The following MYO10 variants were observed in gnomAD, a reference collection of about 807,000 sequenced individuals.
The protein encoded by MYO10 is myosin X, also known as unconventional myosin-X.
Under a neutral mutation model 257.3 loss-of-function variants are expected in MYO10, and 133 were observed. The ratio of observed to expected loss-of-function variants is 0.52; its 90% CI spans 0.45 to 0.60. The LOEUF (loss-of-function observed/expected upper bound fraction) is 0.60. Ranked by LOEUF, MYO10 falls within the 20% of genes least tolerant of loss-of-function variation. The pLI, the probability that MYO10 is intolerant of heterozygous loss-of-function variation, is 0.00. For missense variants in MYO10, 2,399 were observed against 2,635.7 expected (o/e 0.91, Z 1.97); for synonymous variants, 1,104 against 1,028.6 (o/e 1.07, Z -1.40).
At chr5:16,851,862 C>A (rs1465461632) in intron 2 of MYO10, among the ~76,000 whole-genome samples, 2 of 151,708 alleles carry the variant, frequency 1.3e-5, no homozygotes, top group Non-Finnish European at 2.9e-5. Flanking sequence ...ACCAGCCTGG[C>A]CAACATGATG....
At chr5:16,819,894 C>G (rs1248299157) in intron 2 of MYO10, among the ~76,000 whole-genome samples, 1 of 152,208 alleles carries the variant, frequency 6.6e-6, no homozygotes, top group Non-Finnish European at 1.5e-5. Flanking sequence ...TTGGTCAAGC[C>G]AGTCCTGAGA....
intron 3 of MYO10, among the ~76,000 whole-genome samples, chr5:16,804,283 C>T (rs1742205863): frequency 6.6e-6 from 1 of 152,186 alleles, no homozygotes; most frequent in African/African-American, 2.4e-5. Flanking sequence ...CCTCACCTTG[C>T]ATTGACTAAC....
chr5:16,777,830 T>C (rs1475326946), intron 9 of MYO10, among the ~76,000 whole-genome samples: 3 of 147,842 alleles, frequency 2.0e-5, no homozygotes, highest in East Asian at 3.9e-4. Flanking sequence ...CTAGGTGCAT[T>C]GCATCTAACT....
chr5:16,821,593 A>C (rs926919140), intron 2 of MYO10, among the ~76,000 whole-genome samples: 1 of 151,044 alleles, frequency 6.6e-6, no homozygotes, highest in Non-Finnish European at 1.5e-5. Context: ...CAGCCTCCCG[A>C]GTAGCTGGGA....
At chr5:16,711,043 G>A (rs747091980) in intron 20 of MYO10, 21 bp from the exon 21 acceptor site, 35 of 1,613,694 alleles carry the variant, frequency 2.2e-5, no homozygotes, top group Non-Finnish European at 3.0e-5. Context: ...AAGACACACA[G>A]GGTCACCTTC....
intron 19 of MYO10, among the ~76,000 whole-genome samples, chr5:16,730,127 T>C (rs1399021939): frequency 6.6e-6 from 1 of 152,086 alleles, no homozygotes; most frequent in East Asian, 1.9e-4. Context: ...TGACAATGTT[T>C]TGTGAGGAGG....
intron 2 of MYO10, 83 bp from the exon 3 acceptor site, chr5:16,818,250 T>C: frequency 8.1e-7 from 1 of 1,229,682 alleles, no homozygotes; most frequent in Middle Eastern, 2.0e-4. Flanking sequence ...GACAATACAA[T>C]CTCAGTATAA....
chr5:16,698,357 T>A (rs918307744), intron 26 of MYO10, among the ~76,000 whole-genome samples: 1 of 152,206 alleles, frequency 6.6e-6, no homozygotes, highest in Non-Finnish European at 1.5e-5. Flanking sequence ...CAAGACCCTG[T>A]CTTAAATAAA....
At chr5:16,886,192 A>G (rs924232172) in intron 1 of MYO10, among the ~76,000 whole-genome samples, 14 of 152,208 alleles carry the variant, frequency 9.2e-5, no homozygotes, top group Admixed American at 8.5e-4. Context: ...GCTGAAGGAG[A>G]TGGCAAGTCA....
intron 2 of MYO10, among the ~76,000 whole-genome samples, chr5:16,824,348 T>G (rs1366232): frequency 0.9 from 137,036 of 152,040 alleles, 61,997 homozygotes; most frequent in East Asian, 0.95. Context: ...GGAAAGATTT[T>G]TGGTTGTTAG....
intron 3 of MYO10, among the ~76,000 whole-genome samples, chr5:16,798,696 T>C (rs1460874660): frequency 2.0e-5 from 3 of 152,206 alleles, no homozygotes; most frequent in Admixed American, 6.5e-5. Context: ...TACATTATTT[T>C]CTTTTTTCTG....
chr5:16,789,254 G>T (rs913105705), intron 4 of MYO10, among the ~76,000 whole-genome samples: 1 of 152,172 alleles, frequency 6.6e-6, no homozygotes, highest in Non-Finnish European at 1.5e-5. Flanking sequence ...AGGTGCTTTC[G>T]CCCACAAAGC....
chr5:16,729,503 G>A (rs550974661), intron 19 of MYO10, among the ~76,000 whole-genome samples: 1 of 149,944 alleles, frequency 6.7e-6, no homozygotes, highest in Non-Finnish European at 1.5e-5. Flanking sequence ...CCAGGCTGGA[G>A]TGCAGTGGCG....
intron 19 of MYO10, among the ~76,000 whole-genome samples, chr5:16,742,919 G>A (rs546448281): frequency 2.0e-5 from 3 of 152,036 alleles, no homozygotes; most frequent in South Asian, 4.2e-4. Flanking sequence ...TCGGGAGTTC[G>A]AGACTAGCCT....
chr5:16,708,906 G>A (rs1045570706), intron 21 of MYO10, among the ~76,000 whole-genome samples: 2 of 152,166 alleles, frequency 1.3e-5, no homozygotes, highest in East Asian at 3.8e-4. Flanking sequence ...AGATTGTATT[G>A]CACTGCCAAG....
intron 11 of MYO10, among the ~76,000 whole-genome samples, chr5:16,765,371 C>T (rs1740833659): frequency 6.6e-6 from 1 of 152,186 alleles, no homozygotes; most frequent in South Asian, 2.1e-4. Context: ...CATCGGACTC[C>T]AAGTTCTTCA....
At chr5:16,753,274 C>T (rs1379793417) in intron 19 of MYO10, among the ~76,000 whole-genome samples, 1 of 152,040 alleles carries the variant, frequency 6.6e-6, no homozygotes, top group Non-Finnish European at 1.5e-5. Flanking sequence ...TCAGGCAATT[C>T]TCCTGCCTCA....
At position 16,671,443 on chromosome 5, in the gene MYO10, C is replaced by T. The variant is rs373885927; in HGVS notation, c.5409G>A (p.Glu1803=). 6 of 1,613,894 alleles carry T rather than the reference C, an allele frequency of 3.7e-6. No homozygotes were observed. Among genetic ancestry groups the T allele is most frequent in the Middle Eastern group, 1.6e-4 (1 of 6,084 alleles). Residue 1803 remains glutamate, a synonymous_variant, in exon 38 of 41, where the codon GAG becomes GAA. Transcript: ENST00000513610. The part of the protein sequence containing the change: ...DTDNVPKDSV[E]FAFMFEQAHE... ...TTACCTGTTCAAACATAAATGCAAACTCCACACTGTCTTTTGGCACGTTGT... is the reference window on the plus strand; with the variant it reads ...TTACCTGTTCAAACATAAATGCAAATTCCACACTGTCTTTTGGCACGTTGT...
At chr5:16,843,612 A>C (rs1214366557) in intron 2 of MYO10, among the ~76,000 whole-genome samples, 1 of 151,980 alleles carries the variant, frequency 6.6e-6, no homozygotes, top group Non-Finnish European at 1.5e-5. Context: ...AAGGTCCTGG[A>C]CTCCCTTGTC....
Sources: gnomAD v4.1 joint callset for allele counts (sites outside exome capture counted in the v4.1 genomes callset) on GRCh38, gnomAD v4.1.1 for gene constraint, MANE v1.5 for transcripts, NCBI Gene and HGNC (gene_info 2026-07-23, HGNC 2026-07-21) for gene names.